MARCHF3: variants seen among roughly 807,000 people sequenced by gnomAD.
The protein encoded by MARCHF3 is membrane associated ring-CH-type finger 3, also known as E3 ubiquitin-protein ligase MARCHF3.
MARCHF3 carries 13 observed loss-of-function variants against 24.2 expected under a neutral mutation model. The ratio of observed to expected loss-of-function variants is 0.54; its 90% CI spans 0.35 to 0.85. The LOEUF is 0.85. Ranked by LOEUF, MARCHF3 falls within the 40% of genes least tolerant of loss-of-function variation. The pLI, the probability that MARCHF3 is intolerant of heterozygous loss-of-function variation, is 0.01. For synonymous variants in MARCHF3, 144 were observed against 137.3 expected (o/e 1.05, Z -0.34); for missense variants, 276 against 325.0 (o/e 0.85, Z 1.16).
chr5:126,894,454 C>T (rs1166814226), intron 3 of MARCHF3, among the ~76,000 whole-genome samples: 45 of 151,342 alleles, frequency 3.0e-4, no homozygotes, highest in African/African-American at 1.0e-3. Flanking sequence ...TTTAGCGCTT[C>T]CTTCAGGAGC....
At chr5:127,028,446 T>C (rs1753070800) in intron 1 of MARCHF3, among the ~76,000 whole-genome samples, 1 of 152,222 alleles carries the variant, frequency 6.6e-6, no homozygotes, top group African/African-American at 2.4e-5. Flanking sequence ...GTGATTAGAC[T>C]GACTATGAAT....
At chr5:126,895,707 C>G (rs1753861810) in intron 3 of MARCHF3, among the ~76,000 whole-genome samples, 1 of 152,162 alleles carries the variant, frequency 6.6e-6, no homozygotes, top group African/African-American at 2.4e-5. Context: ...AACCACTGCT[C>G]TCTTCAAAGC....
intron 3 of MARCHF3, among the ~76,000 whole-genome samples, chr5:126,880,319 G>A (rs1422404418): frequency 6.6e-6 from 1 of 152,132 alleles, no homozygotes; most frequent in East Asian, 1.9e-4. Flanking sequence ...GTTTCACCTC[G>A]AAAGTGGACA....
chr5:126,940,849 T>C (rs916760275), intron 1 of MARCHF3, among the ~76,000 whole-genome samples: 7 of 152,128 alleles, frequency 4.6e-5, no homozygotes, highest in Non-Finnish European at 5.9e-5. Flanking sequence ...TTGTGGAGTA[T>C]ATGAGATGTT....
chr5:127,014,843 A>G (rs979219414), intron 1 of MARCHF3, among the ~76,000 whole-genome samples: 35 of 152,212 alleles, frequency 2.3e-4, no homozygotes, highest in African/African-American at 7.5e-4. Context: ...AATTGGTTAA[A>G]GGATATAAAA....
At chr5:126,914,898 C>G in intron 3 of MARCHF3, 32 bp downstream of exon 3, 1 of 1,611,722 alleles carries the variant, frequency 6.2e-7, no homozygotes, top group Non-Finnish European at 8.5e-7. Context: ...CTCATTAGAG[C>G]TAAGTTTTCA....
intron 1 of MARCHF3, among the ~76,000 whole-genome samples, chr5:126,969,226 C>T (rs1750914601): frequency 6.6e-6 from 1 of 152,094 alleles, no homozygotes; most frequent in Non-Finnish European, 1.5e-5. Flanking sequence ...TTGATGGCCT[C>T]CAAGAGTTTA....
intron 1 of MARCHF3, among the ~76,000 whole-genome samples, chr5:126,976,016 T>A (rs990370238): frequency 8.5e-5 from 13 of 152,106 alleles, no homozygotes; most frequent in African/African-American, 3.1e-4. Flanking sequence ...CTCCCCAGGG[T>A]GATGTGCAAA....
At chr5:126,893,430 G>A (rs1214581361) in intron 3 of MARCHF3, among the ~76,000 whole-genome samples, 2 of 151,664 alleles carry the variant, frequency 1.3e-5, no homozygotes, top group Non-Finnish European at 2.9e-5. Flanking sequence ...GGCATTTAGT[G>A]CTATAAATTT....
At chr5:126,889,828 C>T (rs1753622799) in intron 3 of MARCHF3, among the ~76,000 whole-genome samples, 1 of 152,166 alleles carries the variant, frequency 6.6e-6, no homozygotes. Flanking sequence ...GTGGTATCTC[C>T]TTATTTTTGT....
chr5:126,966,314 A>G (rs528324628), intron 1 of MARCHF3, among the ~76,000 whole-genome samples: 93 of 152,308 alleles, frequency 6.1e-4, no homozygotes, highest in African/African-American at 2.1e-3. Context: ...TATAGCCTTA[A>G]AAATTTTTAT....
intron 1 of MARCHF3, among the ~76,000 whole-genome samples, chr5:126,981,519 C>A (rs1453658281): frequency 6.6e-6 from 1 of 152,190 alleles, no homozygotes; most frequent in Admixed American, 6.5e-5. Flanking sequence ...GAGATAACTT[C>A]CTTGAGTCTT....
intron 3 of MARCHF3, among the ~76,000 whole-genome samples, chr5:126,885,482 G>A (rs1404815365): frequency 5.3e-5 from 8 of 152,108 alleles, no homozygotes; most frequent in African/African-American, 9.7e-5. Flanking sequence ...CAGGAGAATC[G>A]CTTGAACCCA....
chr5:126,957,087 T>G (rs1281785119), intron 1 of MARCHF3, among the ~76,000 whole-genome samples: 2 of 152,192 alleles, frequency 1.3e-5, no homozygotes, highest in Non-Finnish European at 1.5e-5. Flanking sequence ...ATTAGAGTTT[T>G]TTTTGACATA....
chr5:126,992,057 T>G (rs1751782224), intron 1 of MARCHF3, among the ~76,000 whole-genome samples: 2 of 152,196 alleles, frequency 1.3e-5, no homozygotes, highest in Non-Finnish European at 2.9e-5. Context: ...CGGCATCCTG[T>G]GGGCTTAGTT....
intron 1 of MARCHF3, among the ~76,000 whole-genome samples, chr5:126,939,724 A>C (rs1390264391): frequency 6.6e-6 from 1 of 152,234 alleles, no homozygotes; most frequent in Non-Finnish European, 1.5e-5. Context: ...GAATTAGTGA[A>C]TACTGAACCA....
chr5:126,999,243 G>A (rs1286996972), intron 1 of MARCHF3, among the ~76,000 whole-genome samples: 3 of 152,190 alleles, frequency 2.0e-5, no homozygotes, highest in Non-Finnish European at 1.5e-5. Flanking sequence ...CAGAAAATGT[G>A]TCCATTTTCT....
At position 126,914,940 on chromosome 5, in the gene MARCHF3, G is replaced by C. The variant is rs142912013; in HGVS notation, c.383C>G (p.Pro128Arg). Residue 128 changes from proline (P) to arginine (R), a missense_variant, in exon 3 of 5, where the codon CCG becomes CGG. By Grantham distance (103) the Pro-to-Arg change is moderately radical (BLOSUM62 -2). Coordinates refer to ENST00000308660, the MANE Select transcript of MARCHF3 (RefSeq NM_178450.5). The part of the protein sequence containing the change: ...FRFAVERKPR[P>R]LVEWLRNPGP... Reference sequence around the variant, plus strand: ...GCCCCACTTACTGACCTCCACTAACGGCCTGGGTTTGCGCTCGACTGCAAA... The same window carrying C: ...GCCCCACTTACTGACCTCCACTAACCGCCTGGGTTTGCGCTCGACTGCAAA... 1 of 1,614,054 alleles carries C rather than the reference G, an allele frequency of 6.2e-7. No individual in the cohort carries two copies.
At chr5:126,930,342 G>A (rs73783501) in intron 1 of MARCHF3, among the ~76,000 whole-genome samples, 7,943 of 152,140 alleles carry the variant, frequency 0.052, 386 homozygotes, top group South Asian at 0.14. Context: ...ATATTTACCC[G>A]TCCCTCAGGA....
Sources: gnomAD v4.1 joint callset for allele counts (sites outside exome capture counted in the v4.1 genomes callset) on GRCh38, gnomAD v4.1.1 for gene constraint, MANE v1.5 for transcripts, NCBI Gene and HGNC (gene_info 2026-07-23, HGNC 2026-07-21) for gene names.